Variants in ASXL1 observed in about 807,000 individuals in gnomAD.
The protein encoded by ASXL1 is polycomb group protein ASXL1.
Under a neutral mutation model 89.1 loss-of-function variants are expected in ASXL1, and 65 were observed. The ratio of observed to expected loss-of-function variants is 0.73; its 90% CI spans 0.60 to 0.90. The LOEUF is 0.90. Ranked by LOEUF, ASXL1 falls within the 40% of genes least tolerant of loss-of-function variation. The pLI, the probability that ASXL1 is intolerant of heterozygous loss-of-function variation, is 0.00. For missense variants in ASXL1, 1,786 were observed against 1,942.9 expected (o/e 0.92, Z 1.52); for synonymous variants, 739 against 746.9 (o/e 0.99, Z 0.17).
intron 4 of ASXL1, among the ~76,000 whole-genome samples, chr20:32,377,935 GAACCACC>G: frequency 1.4e-5 from 2 of 146,244 alleles, no homozygotes; most frequent in Non-Finnish European, 3.0e-5. Flanking sequence ...TTACAGGTGT[GAACCACC>G]GCACCTGGCC....
intron 4 of ASXL1, among the ~76,000 whole-genome samples, chr20:32,420,146 A>G (rs987088007): frequency 6.6e-6 from 1 of 151,978 alleles, no homozygotes; most frequent in African/African-American, 2.4e-5. Context: ...CTATCTGGAA[A>G]TTATGACATG....
At chr20:32,370,920 G>A (rs893903896) in intron 4 of ASXL1, among the ~76,000 whole-genome samples, 1 of 149,796 alleles carries the variant, frequency 6.7e-6, no homozygotes, top group African/African-American at 2.5e-5. Flanking sequence ...GGAGGCTAAG[G>A]CGGGAGGATT....
intron 10 of ASXL1, among the ~76,000 whole-genome samples, 164 bp downstream of exon 10, chr20:32,431,843 C>T (rs2011525025): frequency 6.6e-6 from 1 of 152,228 alleles, no homozygotes; most frequent in Non-Finnish European, 1.5e-5. Flanking sequence ...ATATGCCACA[C>T]AGCTCTGAAG....
Position 32,429,289 on chromosome 20 carries a change from TG to T in ASXL1, c.472-47del, listed in dbSNP as rs1461448058. 7 of 1,572,300 alleles carry T rather than the reference TG, an allele frequency of 4.5e-6. No individual in the cohort carries two copies. Among genetic ancestry groups the T allele is most frequent in the Non-Finnish European group, 5.2e-6 (6 of 1,145,250 alleles). ...ATAGTGTCGCCAGGGAATGCTTTTG[TG>T]GCTCTGCAGTTGACTTGGGCTCTCT... On this transcript the variant is annotated intron_variant, in intron 6 of 12. Coordinates refer to ENST00000375687, the MANE Select transcript of ASXL1 (RefSeq NM_015338.6). The surrounding 1 kb of genome is among the most constrained non-coding windows in gnomAD (Gnocchi z 4.9).
chr20:32,366,157 G>C (rs1019869354), intron 1 of ASXL1, among the ~76,000 whole-genome samples: 2 of 152,168 alleles, frequency 1.3e-5, no homozygotes, highest in African/African-American at 4.8e-5. Flanking sequence ...CATGTATGCT[G>C]AGAAGATATG....
Position 32,438,275 on chromosome 20 carries a change from A to G in ASXL1, c.*937A>G. The G allele has an allele frequency of 4.3e-6, 1 of 233,562 alleles. No individual in the cohort carries two copies. The highest frequency in any genetic ancestry group is 5.6e-5 in the Admixed American group (1 of 17,792). The allele number at this position is 233,562 out of a possible 1,614,324, so 14.5% of individuals were successfully genotyped here. ...CTGTAAGTATGCTCTATGCACCTCT[A>G]ATGTTTTATCATGTATTTATATGTT... On this transcript the variant is annotated 3_prime_UTR_variant, in exon 13 of 13. Transcript: ENST00000375687.
intron 10 of ASXL1, chr20:32,432,220 G>A (rs2011538964): frequency 5.5e-6 from 1 of 180,872 alleles, no homozygotes; most frequent in Admixed American, 5.3e-5. Flanking sequence ...AGAGGCACAT[G>A]GGGTGGGGTC....
intron 1 of ASXL1, among the ~76,000 whole-genome samples, chr20:32,364,696 C>G (rs1408746585): frequency 6.6e-6 from 1 of 152,102 alleles, no homozygotes; most frequent in Non-Finnish European, 1.5e-5. Context: ...CCGTGCCTGG[C>G]CTGTTGAAGG....
Position 32,437,485 on chromosome 20 carries a change from CCT to C in ASXL1, c.*150_*151del, listed in dbSNP as rs2011995296. The stretch of plus-strand genomic sequence containing the variant: ...CCCCCAAAATTTACACTGCTAAAGC[CCT>C]CTGTCACTTGGCGACCCTTCTGGTC... On this transcript the variant is annotated 3_prime_UTR_variant, in exon 13 of 13. Coordinates refer to ENST00000375687, the MANE Select transcript of ASXL1 (RefSeq NM_015338.6). 3.9e-6 allele frequency: 5 copies of C among 1,286,350 alleles called. No homozygotes were observed. In the South Asian group the frequency reaches 6.5e-5, roughly 17 times the overall value. The allele number at this position is 1,286,350 out of a possible 1,614,324, so 79.7% of individuals were successfully genotyped here.
At chr20:32,370,366 G>A (rs996772595) in intron 4 of ASXL1, among the ~76,000 whole-genome samples, 5 of 151,896 alleles carry the variant, frequency 3.3e-5, no homozygotes, top group Admixed American at 2.6e-4. Context: ...GTCTGCCATT[G>A]TAGTAGGAAA....
intron 8 of ASXL1, 64 bp downstream of exon 8, chr20:32,430,117 T>A (rs2123227109): frequency 6.5e-7 from 1 of 1,538,846 alleles, no homozygotes; most frequent in Non-Finnish European, 8.8e-7. Context: ...AGTGAGAAGA[T>A]GATGTCTTCT....
intron 2 of ASXL1, chr20:32,366,691 C>G: frequency 1.9e-6 from 1 of 535,296 alleles, no homozygotes; most frequent in Non-Finnish European, 2.4e-6. Context: ...TCCCCATCTC[C>G]TTGTTCTTCC....
chr20:32,433,762 C>T lies in ASXL1; in HGVS notation c.1564C>T (p.Gln522Ter), dbSNP rs772017757. ...AACTGTGGATCAGGAACCCAAGGAT[C>T]AGAAGAGGAAATCCTTTGAGCAGGC... ...QETVDQEPKD[Q>*]KRKSFEQAAS... Residue 522 changes from glutamine to a stop codon, truncating the protein, a stop_gained, in exon 12 of 13, where the codon CAG (glutamine) becomes TAG (stop). Coordinates refer to ENST00000375687, the MANE Select transcript of ASXL1 (RefSeq NM_015338.6). LOFTEE classifies it high-confidence loss of function. 3.1e-6 allele frequency: 5 copies of T among 1,614,220 alleles called. No individual in the cohort carries two copies. Among genetic ancestry groups the T allele is most frequent in the Middle Eastern group, 1.6e-4 (1 of 6,062 alleles).
chr20:32,359,534 C>T, intron 1 of ASXL1: 1 of 646,230 alleles, frequency 1.5e-6, no homozygotes, highest in South Asian at 1.8e-5. Flanking sequence ...GATTCAAACG[C>T]AGTGGCTCAC....
rs888836816 is a variant in ASXL1 at position 32,438,214 on chromosome 20, T to C, written c.*876T>C. On this transcript the variant is annotated 3_prime_UTR_variant, in exon 13 of 13. Coordinates refer to ENST00000375687, the MANE Select transcript of ASXL1 (RefSeq NM_015338.6). ...TTTCTTATTTTTATATTTTTAACTCTTTATTCTTGGATGTATAAAGTGAAC... is the reference window on the plus strand; with the variant it reads ...TTTCTTATTTTTATATTTTTAACTCCTTATTCTTGGATGTATAAAGTGAAC... The C allele has an allele frequency of 3.9e-5, 9 of 233,428 alleles. No homozygotes were observed. The highest frequency in any genetic ancestry group is 1.8e-4 in the African/African-American group (8 of 45,338). The allele number at this position is 233,428 out of a possible 1,614,324, so 14.5% of individuals were successfully genotyped here.
rs185743044 is a variant in ASXL1 at position 32,437,942 on chromosome 20, A to T, written c.*604A>T. On this transcript the variant is annotated 3_prime_UTR_variant, in exon 13 of 13. Coordinates refer to ENST00000375687, the MANE Select transcript of ASXL1 (RefSeq NM_015338.6). ...AGCAAATTTGGAACTTTTCTGTCTC[A>T]GTGTGATCCACTAACCCACAGGATC... The T allele has an allele frequency of 1.7e-5, 4 of 239,214 alleles. No homozygotes were observed. Among genetic ancestry groups the T allele is most frequent in the African/African-American group, 8.8e-5 (4 of 45,494 alleles). 14.8% of individuals were successfully genotyped at this position (239,214 alleles called of 1,614,324 possible).
intron 4 of ASXL1, among the ~76,000 whole-genome samples, chr20:32,401,669 C>T (rs1045331404): frequency 3.3e-5 from 5 of 151,604 alleles, no homozygotes; most frequent in African/African-American, 1.2e-4. Flanking sequence ...GATTCTTCTG[C>T]CTCAGCCTCC....
intron 4 of ASXL1, among the ~76,000 whole-genome samples, chr20:32,402,504 C>T (rs2048892098): frequency 6.6e-6 from 1 of 152,180 alleles, no homozygotes; most frequent in African/African-American, 2.4e-5. Context: ...TCGTATGATA[C>T]ATGTATATTT....
chr20:32,384,485 C>T (rs148829787), intron 4 of ASXL1, among the ~76,000 whole-genome samples: 19 of 152,266 alleles, frequency 1.2e-4, no homozygotes, highest in African/African-American at 3.9e-4. Flanking sequence ...TGTGAGCCAC[C>T]GTGCCCGGCC....
Sources: allele counts gnomAD v4.1 joint callset (sites outside exome capture counted in the v4.1 genomes callset), GRCh38; gene constraint gnomAD v4.1.1; non-coding constraint Gnocchi (gnomAD v3.1); transcripts MANE v1.5; gene names NCBI Gene and HGNC (gene_info 2026-07-23, HGNC 2026-07-21).